TSNARE1: variants seen among roughly 807,000 people sequenced by gnomAD.
TSNARE1 encodes t-SNARE domain-containing protein 1.
TSNARE1 carries 49 observed loss-of-function variants against 62.0 expected under a neutral mutation model. The ratio of observed to expected loss-of-function variants is 0.79; its 90% confidence interval spans 0.63 to 1.00. The LOEUF is 1.00. TSNARE1 is among the 50% of genes least tolerant of loss of function. The pLI is 0.00. For missense variants in TSNARE1, 755 were observed against 700.1 expected, an observed-to-expected ratio of 1.08 and a Z score of -0.88; for synonymous variants, 328 against 294.4, an observed-to-expected ratio of 1.11 and a Z score of -1.17.
intron 6 of TSNARE1, among the ~76,000 whole-genome samples, chr8:142,324,165 T>A (rs55635915): frequency 0.23 from 35,416 of 152,194 alleles, 4,424 homozygotes; most frequent in South Asian, 0.35. Flanking sequence ...TTGAATCTGA[T>A]GCATCAGCAG....
intron 6 of TSNARE1, among the ~76,000 whole-genome samples, chr8:142,320,796 GACTCAC>G (rs1829373281): frequency 1.3e-5 from 2 of 152,230 alleles, no homozygotes; most frequent in South Asian, 4.1e-4. Flanking sequence ...GGCAGGTCAC[GACTCAC>G]ACTTTTCTCT....
intron 12 of TSNARE1, chr8:142,271,649 A>C (rs1322173417): frequency 7.1e-7 from 1 of 1,403,062 alleles, no homozygotes; most frequent in African/African-American, 1.5e-5. Flanking sequence ...CAGGGACCTC[A>C]GGGGCAGCCA....
At chr8:142,222,832 TCACTCACTCATTCATC>T (rs1816462216) in intron 13 of TSNARE1, among the ~76,000 whole-genome samples, 1 of 112,536 alleles carries the variant, frequency 8.9e-6, no homozygotes, top group Admixed American at 8.5e-5. Flanking sequence ...ACTCACTCAT[TCACTCACTCATTCATC>T]CACTCACTCA....
intron 6 of TSNARE1, among the ~76,000 whole-genome samples, chr8:142,327,558 C>T (rs1055717356): frequency 1.3e-5 from 2 of 152,214 alleles, no homozygotes; most frequent in African/African-American, 4.8e-5. Flanking sequence ...CTCACAGAGC[C>T]CTCCATCGGG....
At chr8:142,271,212 C>T (rs1731126699) in intron 12 of TSNARE1, 2 of 999,914 alleles carry the variant, frequency 2.0e-6, no homozygotes. Context: ...GGACTACCGT[C>T]CTGGAGTGAG....
In TSNARE1 at chr8:142,274,855, C is replaced by A; in HGVS notation, c.1372G>T (p.Glu458Ter). 1 of 1,567,160 alleles carries A rather than the reference C, an allele frequency of 6.4e-7. No homozygotes were observed. The highest frequency in any genetic ancestry group is 2.4e-5 in the East Asian group (1 of 41,162). ...SEQGEAVDSI[E>*]ASLEAASSHA... ...GAGGACGCAGCCTCAAGGCTGGCTT[C>A]AATACTATCTGCAAATCAAGACAAC... The change falls in exon 12 of 14, where the codon GAA becomes TAA. Residue 458 changes from glutamate (E) to a stop codon, truncating the protein, a stop_gained. Coordinates refer to ENST00000524325, the MANE Select transcript of TSNARE1 (RefSeq NM_145003.5). LOFTEE classifies it high-confidence loss of function.
intron 6 of TSNARE1, among the ~76,000 whole-genome samples, chr8:142,325,630 G>A (rs564441584): frequency 6.6e-4 from 101 of 152,264 alleles, no homozygotes; most frequent in Non-Finnish European, 1.2e-3. Flanking sequence ...GAGACCCCAG[G>A]TCAGTCCAGA....
chr8:142,373,532 C>T lies in TSNARE1; in HGVS notation c.-39-18769G>A, dbSNP rs533863537. ...TCACTGCCATCCTTCAGGAAGAAAG[C>T]CCGGCAGGCCCACGAGCTCCATGGG... is the stretch of plus-strand genomic sequence containing the variant. On this transcript the variant is annotated intron_variant, in intron 1 of 13. Transcript: ENST00000524325. 1.8e-3 allele frequency among the ~76,000 whole-genome samples: 274 copies of T among 152,244 alleles called. 2 individuals carry two copies. The highest frequency in any genetic ancestry group is 6.3e-3 in the African/African-American group (263 of 41,556).
intron 9 of TSNARE1, among the ~76,000 whole-genome samples, chr8:142,304,811 G>A (rs973882135): frequency 2.6e-5 from 4 of 152,212 alleles, no homozygotes; most frequent in East Asian, 1.9e-4. Context: ...TGTGAGCTAC[G>A]GGGTAGAGAC....
intron 9 of TSNARE1, among the ~76,000 whole-genome samples, chr8:142,307,384 T>A (rs1229649462): frequency 6.6e-6 from 1 of 152,188 alleles, no homozygotes; most frequent in East Asian, 1.9e-4. Flanking sequence ...GTGACTTCTG[T>A]CAACACACAG....
In TSNARE1 at chr8:142,258,762, T is replaced by G. The variant is rs543121014; in HGVS notation, c.1446+16019A>C. Among the ~76,000 whole-genome samples, 37 of 152,292 alleles carry G rather than the reference T, an allele frequency of 2.4e-4. 1 individual carries two copies. In the East Asian group the frequency reaches 4.2e-3, roughly 17 times the overall value. On this transcript the variant is annotated intron_variant, in intron 12 of 13. Coordinates refer to ENST00000524325, the MANE Select transcript of TSNARE1 (RefSeq NM_145003.5). Reference sequence around the variant, plus strand: ...GTCTCAAACTCCTGACCTCAAGTGATCCACCCACCTTGGCCTCCCAAAGTG... The same window carrying G: ...GTCTCAAACTCCTGACCTCAAGTGAGCCACCCACCTTGGCCTCCCAAAGTG...
chr8:142,249,252 G>A (rs538651564), intron 12 of TSNARE1, among the ~76,000 whole-genome samples: 10 of 152,354 alleles, frequency 6.6e-5, no homozygotes, highest in Admixed American at 1.3e-4. Context: ...GGGTGAGGGC[G>A]GTGGACCCAG....
intron 4 of TSNARE1, among the ~76,000 whole-genome samples, chr8:142,338,371 C>T (rs550407701): frequency 6.6e-6 from 1 of 152,344 alleles, no homozygotes; most frequent in African/African-American, 2.4e-5. Flanking sequence ...AGCCCCAGCA[C>T]GAGGGGGTCC....
chr8:142,234,779 G>T (rs150537733), intron 12 of TSNARE1, among the ~76,000 whole-genome samples: 1 of 152,086 alleles, frequency 6.6e-6, no homozygotes, highest in Non-Finnish European at 1.5e-5. Context: ...CAGACATGGA[G>T]AGGGGGAGAC....
At chr8:142,360,400 G>A (rs1272925552) in intron 1 of TSNARE1, among the ~76,000 whole-genome samples, 8 of 152,182 alleles carry the variant, frequency 5.3e-5, no homozygotes, top group South Asian at 2.1e-4. Context: ...TCGCAGCCCC[G>A]CTGAGCGGAA....
At chr8:142,290,294 G>A (rs1304078421) in intron 10 of TSNARE1, among the ~76,000 whole-genome samples, 1 of 152,204 alleles carries the variant, frequency 6.6e-6, no homozygotes, top group African/African-American at 2.4e-5. Flanking sequence ...GTTCTCGGGG[G>A]ACACGCAGGC....
chr8:142,238,132 C>T (rs1817524933), intron 12 of TSNARE1, among the ~76,000 whole-genome samples: 1 of 152,172 alleles, frequency 6.6e-6, no homozygotes, highest in African/African-American at 2.4e-5. Context: ...CCCTGCACCC[C>T]TGTTGGCCTC....
At chr8:142,386,822 C>A (rs1228078583) in intron 1 of TSNARE1, among the ~76,000 whole-genome samples, 2 of 152,188 alleles carry the variant, frequency 1.3e-5, no homozygotes, top group African/African-American at 4.8e-5. Flanking sequence ...CCAACACTCA[C>A]AGGAGCCACA....
chr8:142,305,554 G>A (rs553648576), intron 9 of TSNARE1, among the ~76,000 whole-genome samples: 4 of 152,266 alleles, frequency 2.6e-5, no homozygotes, highest in African/African-American at 9.6e-5. Flanking sequence ...GGAGGATCGG[G>A]GGCCTGGTGC....
Sources: allele counts gnomAD v4.1 joint callset (sites outside exome capture counted in the v4.1 genomes callset), GRCh38; gene constraint gnomAD v4.1.1; transcripts MANE v1.5; gene names NCBI Gene and HGNC (gene_info 2026-07-23, HGNC 2026-07-21).